The following NALF2 variants were observed in gnomAD, a reference collection of about 807,000 sequenced individuals.
NALF2 encodes NALCN channel auxiliary factor 2, also known as bB57D9.1 (TED protein).
Under a neutral mutation model 24.8 loss-of-function variants are expected in NALF2, and 1 was observed. The ratio of observed to expected loss-of-function variants is 0.04; its 90% CI spans 0.01 to 0.19. NALF2 has a LOEUF of 0.19. Ranked by LOEUF, NALF2 falls within the 10% of genes least tolerant of loss-of-function variation. The pLI is 1.00. For missense variants in NALF2, 458 were observed against 409.6 expected, an observed-to-expected ratio of 1.12 and a Z score of -1.02; for synonymous variants, 254 against 189.8, an observed-to-expected ratio of 1.34 and a Z score of -2.78.
chrX:69,507,901 G>T (rs185585734), intron 1 of NALF2, among the ~76,000 whole-genome samples: 1 of 111,215 alleles, frequency 9.0e-6, no homozygotes, highest in East Asian at 2.8e-4. Flanking sequence ...TCCCCATGGG[G>T]TTTTCTCCGT....
intron 1 of NALF2, among the ~76,000 whole-genome samples, chrX:69,519,583 C>T (rs1357588645): frequency 5.4e-5 from 6 of 112,063 alleles, no homozygotes; most frequent in African/African-American, 1.9e-4. Context: ...TGATCTTAGG[C>T]TGCATTAACA....
intron 1 of NALF2, among the ~76,000 whole-genome samples, chrX:69,520,109 A>T (rs964183586): frequency 4.5e-5 from 5 of 112,199 alleles, no homozygotes; most frequent in African/African-American, 1.6e-4. Flanking sequence ...CTAGGGATCT[A>T]CTGTTGATCC....
In NALF2 at chrX:69,529,692, A is replaced by C. The variant is rs1430507782; in HGVS notation, c.1155A>C (p.Gln385His). 4.1e-6 allele frequency: 5 copies of C among 1,208,516 alleles called. No individual in the cohort carries two copies. The highest frequency in any genetic ancestry group is 1.7e-5 in the African/African-American group (1 of 57,590). ...AGGCCCCCAAAACCCACCAGCAGCA[A>C]TTCCACCACTCCTATTTCCACCACT... ...ESEAPKTHQQQFHHSYFHHYH... is the reference protein window; with the variant it reads ...ESEAPKTHQQHFHHSYFHHYH... Residue 385 changes from glutamine (Q) to histidine (H), a missense_variant, in exon 3 of 3, where the codon CAA (glutamine) becomes CAC (histidine). Transcript: ENST00000252338.
chrX:69,530,106 AC>A lies in NALF2; in HGVS notation c.*154del. 2.3e-6 allele frequency: 1 copy of A among 442,857 alleles called. No homozygotes were observed. Among genetic ancestry groups the A allele is most frequent in the Non-Finnish European group, 3.7e-6 (1 of 268,074 alleles). The allele number at this position is 442,857 out of a possible 1,213,427, so 36.5% of individuals were successfully genotyped here. A position where few individuals can be genotyped will look rare whatever the true frequency, so the allele number is the denominator to read the frequency against. ...GACACATCCCCCCCAACCTACCCCC[AC>A]CCCAAAAGCAGCTCCAACAGAATGG... On this transcript the variant is annotated 3_prime_UTR_variant, in exon 3 of 3. Transcript: ENST00000252338.
Position 69,530,475 on chromosome X carries a change from G to A in NALF2, c.*519G>A, listed in dbSNP as rs1930887546. The A allele has an allele frequency of 8.7e-6, 1 of 115,280 alleles. No individual in the cohort carries two copies. Among genetic ancestry groups the A allele is most frequent in the Non-Finnish European group, 1.8e-5 (1 of 54,897 alleles). 9.5% of individuals were successfully genotyped at this position (115,280 alleles called of 1,213,427 possible). On this transcript the variant is annotated 3_prime_UTR_variant, in exon 3 of 3. Transcript: ENST00000252338. Reference sequence around the variant, plus strand: ...CACTTCAGCACACCTTGCCCCACCTGGGACCATCACACGTGAAGCACCAGG... The same window carrying A: ...CACTTCAGCACACCTTGCCCCACCTAGGACCATCACACGTGAAGCACCAGG...
chrX:69,520,298 C>T (rs1930716680), intron 1 of NALF2, among the ~76,000 whole-genome samples: 2 of 112,122 alleles, frequency 1.8e-5, no homozygotes, highest in Admixed American at 1.9e-4. Flanking sequence ...TCATGATAGT[C>T]ACCAAAGACC....
chrX:69,513,987 G>A, intron 1 of NALF2, among the ~76,000 whole-genome samples: 1 of 111,248 alleles, frequency 9.0e-6, no homozygotes, highest in Middle Eastern at 4.6e-3. Context: ...GAGGTCAGGA[G>A]TTCAAGACCA....
rs764919201 is a variant in NALF2, at chrX:69,505,864, C to A, written c.582C>A (p.Phe194Leu). 1.1e-5 allele frequency: 13 copies of A among 1,209,511 alleles called. No individual in the cohort carries two copies. Among genetic ancestry groups the A allele is most frequent in the Admixed American group, 8.7e-5 (4 of 45,900 alleles). ...TGCTCAAAGGCCACTTTCGGAACTT[C>A]ACTCTCTCCTTTTGCGACACCTACA... ...KNLLKGHFRN[F>L]TLSFCDTYTV... The change falls in exon 1 of 3, where the codon TTC becomes TTA. Residue 194 changes from phenylalanine to leucine, a missense_variant. Transcript: ENST00000252338.
intron 1 of NALF2, 55 bp from the exon 2 acceptor site, chrX:69,528,938 C>T (rs1288935666): frequency 2.6e-6 from 3 of 1,145,139 alleles, no homozygotes; most frequent in Non-Finnish European, 2.3e-6. Context: ...CATCCCTCTC[C>T]TCTGAGGTGG....
rs1930453890 is a variant in NALF2 at position 69,505,567 on chromosome X, G to C, written c.285G>C (p.Ala95=). 1 of 959,363 alleles carries C rather than the reference G, an allele frequency of 1.0e-6. No individual in the cohort carries two copies. The highest frequency in any genetic ancestry group is 5.1e-5 in the South Asian group (1 of 19,484). The allele number at this position is 959,363 out of a possible 1,213,427, so 79.1% of individuals were successfully genotyped here. Residue 95 remains alanine (A), a synonymous_variant, in exon 1 of 3, where the codon GCG becomes GCC. Transcript: ENST00000252338. ...AGCGGCAGCCGGTGCCTCCTCGCGC[G>C]GTGCTGCCGCTGCCGCCGCCGCCGC... ...GRERQPVPPR[A]VLPLPPPPPG... is the part of the protein sequence containing the mutation.
chrX:69,507,377 C>T (rs1930505787), intron 1 of NALF2, among the ~76,000 whole-genome samples: 1 of 111,490 alleles, frequency 9.0e-6, no homozygotes, highest in Non-Finnish European at 1.9e-5. Context: ...ACTTCACTTT[C>T]TCCTTCTCCT....
rs749225049 is a variant in NALF2 at position 69,505,583 on chromosome X, C to T, written c.301C>T (p.Pro101Ser). The T allele has an allele frequency of 9.8e-7, 1 of 1,017,329 alleles. No individual in the cohort carries two copies. The highest frequency in any genetic ancestry group is 1.2e-6 in the Non-Finnish European group (1 of 809,641). The allele number at this position is 1,017,329 out of a possible 1,213,427, so 83.8% of individuals were successfully genotyped here. A position where few individuals can be genotyped will look rare whatever the true frequency, so the allele number is the denominator to read the frequency against. ...VPPRAVLPLP[P>S]PPPGEPSAPP... is the part of the protein sequence containing the mutation. ...TCCTCGCGCGGTGCTGCCGCTGCCG[C>T]CGCCGCCGCCCGGCGAGCCCAGCGC... Residue 101 changes from proline to serine, a missense_variant, in exon 1 of 3, where the codon CCG becomes TCG. Pro to Ser is a moderately conservative substitution (Grantham distance 74). Transcript: ENST00000252338.
intron 1 of NALF2, among the ~76,000 whole-genome samples, chrX:69,526,099 T>C (rs1247586922): frequency 3.6e-5 from 4 of 112,279 alleles, no homozygotes; most frequent in Non-Finnish European, 7.5e-5. Flanking sequence ...GCGTTGTTCA[T>C]AATAGTGAAA....
At position 69,505,978 on chromosome X, in the gene NALF2, G is replaced by A. The variant is rs756149484; in HGVS notation, c.696G>A (p.Val232=). The A allele has an allele frequency of 4.5e-5, 54 of 1,210,114 alleles. No individual in the cohort carries two copies. The highest frequency in any genetic ancestry group is 5.7e-5 in the Non-Finnish European group (51 of 895,134). The change falls in exon 1 of 3, where the codon GTG becomes GTA. Residue 232 remains valine (V), a synonymous_variant. Transcript: ENST00000252338. ...DTLMGDLLAV[V]ASPGSGAWEA... ...TGATGGGGGACCTGCTGGCCGTGGTGGCCAGCCCGGGCTCCGGGGCCTGGG... is the reference window on the plus strand; with the variant it reads ...TGATGGGGGACCTGCTGGCCGTGGTAGCCAGCCCGGGCTCCGGGGCCTGGG...
At chrX:69,506,634 C>T (rs1930492191) in intron 1 of NALF2, among the ~76,000 whole-genome samples, 1 of 113,133 alleles carries the variant, frequency 8.8e-6, no homozygotes, top group South Asian at 3.6e-4. Context: ...GACGAGCACT[C>T]CTGGTGGTGG....
intron 1 of NALF2, among the ~76,000 whole-genome samples, chrX:69,522,328 G>C (rs1474750060): frequency 8.9e-6 from 1 of 111,919 alleles, no homozygotes; most frequent in Admixed American, 9.4e-5. Flanking sequence ...CCCCTTCAGA[G>C]CTGCTCCTAC....
At chrX:69,525,187 G>A (rs1190113808) in intron 1 of NALF2, among the ~76,000 whole-genome samples, 1 of 112,154 alleles carries the variant, frequency 8.9e-6, no homozygotes, top group Admixed American at 9.4e-5. Context: ...TGCCTGGGAG[G>A]AGGGCAGGAA....
In NALF2 at chrX:69,505,673, C is replaced by T. The variant is rs1307749411; in HGVS notation, c.391C>T (p.Arg131Trp). 5.0e-6 allele frequency: 6 copies of T among 1,207,528 alleles called. No individual in the cohort carries two copies. Among genetic ancestry groups the T allele is most frequent in the Non-Finnish European group, 5.6e-6 (5 of 894,160 alleles). ...LTKAAPAAGS[R>W]PVCGGVPEPT... is the part of the protein sequence containing the mutation. ...CAAAGCCGCCCCCGCCGCCGGCTCTCGGCCGGTCTGCGGCGGCGTCCCAGA... is the reference window on the plus strand; with the variant it reads ...CAAAGCCGCCCCCGCCGCCGGCTCTTGGCCGGTCTGCGGCGGCGTCCCAGA... Residue 131 changes from arginine to tryptophan, a missense_variant, in exon 1 of 3, where the codon CGG (arginine) becomes TGG (tryptophan). Physicochemically the swap from Arg to Trp is moderately radical, Grantham distance 101 (BLOSUM62 -3). Transcript: ENST00000252338.
intron 1 of NALF2, among the ~76,000 whole-genome samples, chrX:69,509,081 A>G (rs1377742849): frequency 9.0e-6 from 1 of 111,243 alleles, no homozygotes; most frequent in African/African-American, 3.3e-5. Context: ...TGCCTGTGAC[A>G]CCTCCCAATT....
Sources: allele counts gnomAD v4.1 joint callset (sites outside exome capture counted in the v4.1 genomes callset), GRCh38; gene constraint gnomAD v4.1.1; transcripts MANE v1.5; gene names NCBI Gene and HGNC (gene_info 2026-07-23, HGNC 2026-07-21).